Variants in RHOBTB1 observed in about 807,000 individuals in gnomAD.
RHOBTB1 encodes the protein Rho related BTB domain containing 1, also known as rho-related BTB domain-containing protein 1.
Under a neutral mutation model 71.6 loss-of-function variants are expected in RHOBTB1, and 40 were observed. The ratio of observed to expected loss-of-function variants is 0.56; its 90% CI spans 0.43 to 0.73. RHOBTB1 has a LOEUF of 0.73. Ranked by LOEUF, RHOBTB1 falls within the 30% of genes least tolerant of loss-of-function variation. The probability of loss-of-function intolerance (pLI) is 0.00; values close to 1 mark genes in which losing one functional copy is unlikely to be tolerated. For synonymous variants in RHOBTB1, 319 were observed against 334.9 expected (o/e 0.95, Z 0.52); for missense variants, 797 against 894.0 (o/e 0.89, Z 1.38).
chr10:60,936,281 A>C (rs1405881898), intron 2 of RHOBTB1, among the ~76,000 whole-genome samples: 1 of 152,224 alleles, frequency 6.6e-6, no homozygotes, highest in Non-Finnish European at 1.5e-5. Flanking sequence ...TGGATAGAAG[A>C]GTTCTGCAAA....
chr10:60,973,894 T>C (rs920463209), intron 2 of RHOBTB1, among the ~76,000 whole-genome samples: 1 of 152,058 alleles, frequency 6.6e-6, no homozygotes, highest in African/African-American at 2.4e-5. Context: ...TTGACGATGA[T>C]CTTTTCTCAA....
intron 2 of RHOBTB1, among the ~76,000 whole-genome samples, chr10:60,969,024 G>A (rs1264095415): frequency 6.6e-6 from 1 of 152,030 alleles, no homozygotes; most frequent in Non-Finnish European, 1.5e-5. Flanking sequence ...GAAAGTATAA[G>A]TATGCTAGTT....
At chr10:60,952,616 A>G (rs2085452071) in intron 2 of RHOBTB1, among the ~76,000 whole-genome samples, 1 of 152,224 alleles carries the variant, frequency 6.6e-6, no homozygotes, top group Non-Finnish European at 1.5e-5. Flanking sequence ...GAAAGATTCT[A>G]CTTTCATATA....
chr10:60,899,405 T>C (rs1460664553), intron 4 of RHOBTB1, among the ~76,000 whole-genome samples: 2 of 152,228 alleles, frequency 1.3e-5, no homozygotes, highest in Admixed American at 1.3e-4. Flanking sequence ...CCTCTACTTT[T>C]CATGTTTTCT....
At chr10:60,892,067 G>A (rs924284002) in intron 5 of RHOBTB1, among the ~76,000 whole-genome samples, 9 of 152,206 alleles carry the variant, frequency 5.9e-5, no homozygotes, top group Admixed American at 3.3e-4. Flanking sequence ...TGAGGCCTCC[G>A]CAGCCATGCT....
chr10:60,901,484 C>T (rs1011489399), intron 4 of RHOBTB1, among the ~76,000 whole-genome samples: 2 of 152,124 alleles, frequency 1.3e-5, no homozygotes, highest in Non-Finnish European at 2.9e-5. Flanking sequence ...ATCAAGAGAT[C>T]CTTTCCTTTT....
intron 3 of RHOBTB1, 57 bp from the exon 4 acceptor site, chr10:60,911,047 A>T: frequency 7.3e-7 from 1 of 1,368,058 alleles, no homozygotes; most frequent in Non-Finnish European, 1.0e-6. Context: ...TCCCCAGGAG[A>T]AGCGTGTTCA....
At chr10:60,872,951 C>T (rs1589140206) in intron 9 of RHOBTB1, among the ~76,000 whole-genome samples, 1 of 152,188 alleles carries the variant, frequency 6.6e-6, no homozygotes, top group Non-Finnish European at 1.5e-5. Context: ...CTGCTGCGAT[C>T]CCTCACTTTC....
At chr10:60,985,608 T>C (rs1179990527) in intron 2 of RHOBTB1, among the ~76,000 whole-genome samples, 3 of 152,212 alleles carry the variant, frequency 2.0e-5, no homozygotes, top group Non-Finnish European at 4.4e-5. Flanking sequence ...AAAACTCATA[T>C]GTAGGTCCAA....
chr10:60,946,893 GGA>G (rs1180123184), upstream of RHOBTB1, among the ~76,000 whole-genome samples: 3 of 152,162 alleles, frequency 2.0e-5, no homozygotes, highest in Non-Finnish European at 4.4e-5. Flanking sequence ...TAAATCTGAG[GGA>G]AACTGGAAGA....
rs183469900 is a variant in RHOBTB1, at chr10:60,982,366, A to G, written c.-62+3479T>C. Among the ~76,000 whole-genome samples, 281 of 152,294 alleles carry G rather than the reference A, an allele frequency of 1.8e-3. 2 individuals are homozygous for G. The highest frequency in any genetic ancestry group is 6.6e-3 in the African/African-American group (273 of 41,552). On this transcript the variant is annotated intron_variant, in intron 2 of 11. Transcript: ENST00000357917. ...TTTAGGTGATGTGGAGTTCCTTCTC[A>G]AATGACAACAGTAACAACATAATTA...
rs748163791 is a variant in RHOBTB1, at chr10:60,871,541, T to C, written c.2032A>G (p.Asn678Asp). Residue 678 changes from asparagine to aspartate, a missense_variant, in exon 11 of 11, where the codon AAT becomes GAT. By Grantham distance (23) the Asn-to-Asp change is conservative (BLOSUM62 1). Around this residue, in one of 2 missense-constraint regions of RHOBTB1, gnomAD observed 658 missense variants for 681.5 expected, o/e 0.97. Coordinates refer to ENST00000337910, the MANE Select transcript of RHOBTB1 (RefSeq NM_014836.5). ...REREKEDIAL[N>D]KHRSRRKWCF... ...CACTTTCGTCTTGAGCGATGCTTAT[T>C]TAGTGCAATATCTTCCTTCTCTCGT... 1.2e-6 allele frequency: 2 copies of C among 1,614,154 alleles called. No individual in the cohort carries two copies.
chr10:60,988,872 G>A (rs985116911), intron 1 of RHOBTB1, among the ~76,000 whole-genome samples: 3 of 152,044 alleles, frequency 2.0e-5, no homozygotes, highest in Admixed American at 2.0e-4. Context: ...ATCCTTAATT[G>A]TACCCTTCCT....
chr10:60,887,703 C>G (rs1407323371), intron 6 of RHOBTB1, among the ~76,000 whole-genome samples: 1 of 152,178 alleles, frequency 6.6e-6, no homozygotes, highest in East Asian at 1.9e-4. Context: ...ACCAAAATTG[C>G]CTCAAGGACT....
In RHOBTB1 at chr10:60,888,843, C is replaced by T. The variant is rs1308404929; in HGVS notation, c.825G>A (p.Gln275=). The stretch of plus-strand genomic sequence containing the variant: ...AAATTCGATGTGCAAAGATGTGTTC[C>T]TGGTCCTGAAGGATGAACAGAACAT... ...CADVLFILQD[Q]EHIFAHRIYL... is the part of the protein sequence containing the mutation. Residue 275 remains glutamine (Q), a synonymous_variant, in exon 6 of 11, where the codon CAG becomes CAA. Coordinates refer to ENST00000337910, the MANE Select transcript of RHOBTB1 (RefSeq NM_014836.5). 3 of 1,614,048 alleles carry T rather than the reference C, an allele frequency of 1.9e-6. No individual in the cohort carries two copies. Among genetic ancestry groups the T allele is most frequent in the Non-Finnish European group, 1.7e-6 (2 of 1,180,034 alleles).
intron 10 of RHOBTB1, 117 bp downstream of exon 10, chr10:60,872,068 T>G: frequency 1.3e-6 from 1 of 790,552 alleles, no homozygotes; most frequent in South Asian, 1.4e-5. Flanking sequence ...CCAGCCAGTC[T>G]CGAGGAATCA....
At chr10:60,991,318 A>G (rs959190769) in intron 1 of RHOBTB1, among the ~76,000 whole-genome samples, 5 of 152,110 alleles carry the variant, frequency 3.3e-5, no homozygotes, top group Non-Finnish European at 7.3e-5. Flanking sequence ...GGATAAAGGC[A>G]TATTTCTTGA....
Position 60,907,815 on chromosome 10 carries a change from T to C in RHOBTB1, c.296+3072A>G, listed in dbSNP as rs190098114. 3.6e-4 allele frequency among the ~76,000 whole-genome samples: 55 copies of C among 152,188 alleles called. 1 individual carries two copies. The highest frequency in any genetic ancestry group is 1.3e-3 in the African/African-American group (53 of 41,520). On this transcript the variant is annotated intron_variant, in intron 4 of 10. Coordinates refer to ENST00000337910, the MANE Select transcript of RHOBTB1 (RefSeq NM_014836.5). ...AGTAGGTTGAGGTAGCTTGGCACAG[T>C]GGAAAGAGTGAGAGCCAGGAGTCAG...
chr10:60,954,702 G>A (rs750386004), intron 2 of RHOBTB1, among the ~76,000 whole-genome samples: 41 of 151,964 alleles, frequency 2.7e-4, no homozygotes, highest in Non-Finnish European at 5.4e-4. Flanking sequence ...TTGGATGGAA[G>A]GAAATGTGAC....
Sources: gnomAD v4.1 joint callset for allele counts (sites outside exome capture counted in the v4.1 genomes callset) on GRCh38, gnomAD v4.1.1 for gene constraint, gnomAD v4.1.1 regional missense constraint, MANE v1.5 for transcripts, NCBI Gene and HGNC (gene_info 2026-07-23, HGNC 2026-07-21) for gene names.